Variants in COL26A1 observed in about 807,000 individuals in gnomAD.
COL26A1 encodes the protein collagen type XXVI alpha 1 chain.
COL26A1 carries 41 observed loss-of-function variants against 59.3 expected under a neutral mutation model. The ratio of observed to expected loss-of-function variants is 0.69; its 90% CI spans 0.54 to 0.90. The LOEUF (loss-of-function observed/expected upper bound fraction) is 0.90, where lower values mean the gene tolerates loss of function less well. Among genes scored for constraint, COL26A1 ranks in the 40% least tolerant of loss-of-function variants. The pLI, the probability that COL26A1 is intolerant of heterozygous loss-of-function variation, is 0.00. For missense variants in COL26A1, 612 were observed against 602.3 expected (o/e 1.02, Z -0.17); for synonymous variants, 266 against 256.0 (o/e 1.04, Z -0.37).
intron 9 of COL26A1, among the ~76,000 whole-genome samples, chr7:101,549,467 A>G (rs1449961151): frequency 6.6e-6 from 1 of 151,822 alleles, no homozygotes; most frequent in African/African-American, 2.4e-5. Flanking sequence ...TGCAACCTCC[A>G]CCTCCTGGAT....
chr7:101,555,907 C>G (rs908790250), intron 12 of COL26A1, 36 bp downstream of exon 12: 16 of 1,528,362 alleles, frequency 1.0e-5, no homozygotes, highest in Non-Finnish European at 1.3e-5. Context: ...CTGGGAATCT[C>G]TCTCCCCTCC....
upstream of COL26A1, chr7:101,362,864 G>T: frequency 1.6e-6 from 1 of 619,534 alleles, no homozygotes; most frequent in Non-Finnish European, 2.6e-6. Context: ...CGGCCCCGGA[G>T]AGGCGTGGGC....
At chr7:101,553,202 C>A in intron 10 of COL26A1, 124 bp from the exon 11 acceptor site, 1 of 807,764 alleles carries the variant, frequency 1.2e-6, no homozygotes, top group Non-Finnish European at 2.1e-6. Context: ...GGCCCAGCAC[C>A]CGTTTCCCAG....
intron 2 of COL26A1, among the ~76,000 whole-genome samples, chr7:101,443,750 C>T (rs535651437): frequency 9.9e-5 from 15 of 151,882 alleles, no homozygotes; most frequent in African/African-American, 3.4e-4. Flanking sequence ...AGAAAAATTT[C>T]GAAACTGTGG....
At chr7:101,506,342 G>A (rs1228637350) in intron 3 of COL26A1, among the ~76,000 whole-genome samples, 1 of 152,222 alleles carries the variant, frequency 6.6e-6, no homozygotes, top group Non-Finnish European at 1.5e-5. Context: ...AAAATGAATC[G>A]GAGAAGAGAG....
At chr7:101,472,379 C>T (rs114036554) in intron 3 of COL26A1, among the ~76,000 whole-genome samples, 2,775 of 152,252 alleles carry the variant, frequency 0.018, 66 homozygotes, top group African/African-American at 0.063. Flanking sequence ...TCTTTAAGTT[C>T]GAGGTCTTAT....
At chr7:101,394,775 C>T (rs941165590) in intron 1 of COL26A1, among the ~76,000 whole-genome samples, 1 of 151,246 alleles carries the variant, frequency 6.6e-6, no homozygotes, top group Non-Finnish European at 1.5e-5. Flanking sequence ...CTTGTCCTGA[C>T]TCTGTGTCTC....
Position 101,371,996 on chromosome 7 carries a change from C to T in COL26A1, c.158+8806C>T, listed in dbSNP as rs908299395. On this transcript the variant is annotated intron_variant, in intron 1 of 12. Coordinates refer to ENST00000313669, the MANE Select transcript of COL26A1 (RefSeq NM_001278563.3). ...TAAAATGGGAATGACTTCAGTACTT[C>T]ATTAAGTTGTTCTGGGGCTTACATG... 2.6e-5 allele frequency among the ~76,000 whole-genome samples: 4 copies of T among 152,240 alleles called. No homozygotes were observed. In the East Asian group the frequency reaches 7.7e-4, roughly 29 times the overall value.
chr7:101,421,220 C>T (rs1264514464), intron 2 of COL26A1, among the ~76,000 whole-genome samples: 1 of 152,058 alleles, frequency 6.6e-6, no homozygotes, highest in African/African-American at 2.4e-5. Flanking sequence ...TGGCTGAGAC[C>T]CAGGGAGGAG....
At chr7:101,555,684 AG>A in intron 11 of COL26A1, 102 bp from the exon 12 acceptor site, 1 of 729,286 alleles carries the variant, frequency 1.4e-6, no homozygotes, top group Non-Finnish European at 2.3e-6. Flanking sequence ...GGGAAGAGGC[AG>A]GGGTGGGGGG....
chr7:101,429,338 G>A (rs2130310542), intron 2 of COL26A1, among the ~76,000 whole-genome samples: 1 of 151,862 alleles, frequency 6.6e-6, no homozygotes, highest in East Asian at 1.9e-4. Flanking sequence ...TATTTTTTTG[G>A]CCTATGGATG....
At chr7:101,387,137 A>G (rs1427549032) in intron 1 of COL26A1, among the ~76,000 whole-genome samples, 2 of 152,116 alleles carry the variant, frequency 1.3e-5, no homozygotes, top group Non-Finnish European at 2.9e-5. Context: ...GGCTGAGCCA[A>G]AGCCACCCCC....
chr7:101,433,769 C>T (rs1253264601), intron 2 of COL26A1, among the ~76,000 whole-genome samples: 1 of 152,048 alleles, frequency 6.6e-6, no homozygotes, highest in African/African-American at 2.4e-5. Flanking sequence ...GGGAAGGCCA[C>T]AGCAGGGGTG....
At chr7:101,536,056 A>G (rs866078996) in intron 4 of COL26A1, among the ~76,000 whole-genome samples, 1 of 152,098 alleles carries the variant, frequency 6.6e-6, no homozygotes, top group African/African-American at 2.4e-5. Flanking sequence ...GTCTCGTGCT[A>G]TCTCAGTGTG....
intron 1 of COL26A1, among the ~76,000 whole-genome samples, chr7:101,407,335 T>C (rs533256922): frequency 1.9e-4 from 29 of 152,304 alleles, no homozygotes; most frequent in African/African-American, 6.7e-4. Flanking sequence ...TCGATATTCC[T>C]GAGGAACCTG....
At chr7:101,413,566 A>G (rs537916847) in intron 1 of COL26A1, among the ~76,000 whole-genome samples, 2 of 152,192 alleles carry the variant, frequency 1.3e-5, no homozygotes, top group South Asian at 4.2e-4. Context: ...AGAAAAGAAG[A>G]AAGAAAAGAA....
At chr7:101,556,997 A>G (rs200903607) in intron 12 of COL26A1, among the ~76,000 whole-genome samples, 17 of 13,130 alleles carry the variant, frequency 1.3e-3, no homozygotes, top group Admixed American at 5.0e-3. Context: ...GGATGGGTGG[A>G]TGGATGGATG....
At chr7:101,515,547 G>A (rs1795011368) in intron 3 of COL26A1, among the ~76,000 whole-genome samples, 2 of 151,674 alleles carry the variant, frequency 1.3e-5, no homozygotes, top group South Asian at 2.1e-4. Context: ...GTCTCCCAAA[G>A]TGCTGGGATT....
intron 1 of COL26A1, among the ~76,000 whole-genome samples, chr7:101,404,715 G>A (rs1317553740): frequency 1.3e-5 from 2 of 152,142 alleles, no homozygotes; most frequent in Non-Finnish European, 2.9e-5. Context: ...AGGCTATATA[G>A]TGAATCTCCC....
Sources: gnomAD v4.1 joint callset for allele counts (sites outside exome capture counted in the v4.1 genomes callset) on GRCh38, gnomAD v4.1.1 for gene constraint, MANE v1.5 for transcripts, NCBI Gene and HGNC (gene_info 2026-07-23, HGNC 2026-07-21) for gene names.